PAPOLA: variants seen among roughly 807,000 people sequenced by gnomAD.
The protein encoded by PAPOLA is poly(A) polymerase alpha.
In PAPOLA, 15 loss-of-function variants were observed where a neutral mutation model predicts 100.6. The ratio of observed to expected loss-of-function variants is 0.15; its 90% CI spans 0.10 to 0.23. The LOEUF (loss-of-function observed/expected upper bound fraction) is 0.23, where lower values mean the gene tolerates loss of function less well. Ranked by LOEUF, PAPOLA falls within the 10% of genes least tolerant of loss-of-function variation. PAPOLA has a pLI of 1.00. For missense variants in PAPOLA, 533 were observed against 884.2 expected (o/e 0.60, Z 5.04); for synonymous variants, 293 against 300.0 (o/e 0.98, Z 0.24).
At chr14:96,521,853 C>T (rs1048637634) in intron 3 of PAPOLA, among the ~76,000 whole-genome samples, 5 of 152,044 alleles carry the variant, frequency 3.3e-5, no homozygotes, top group Admixed American at 3.3e-4. Flanking sequence ...ACTCTGTCAC[C>T]CAGGCTAGAG....
At chr14:96,534,733 T>A in intron 10 of PAPOLA, 170 bp downstream of exon 10, 1 of 1,434,096 alleles carries the variant, frequency 7.0e-7, no homozygotes, top group Non-Finnish European at 9.1e-7. Flanking sequence ...ATAATTGATG[T>A]GAGAAGCATA....
rs116870121 is a variant in PAPOLA at position 96,510,804 on chromosome 14, C to T, written c.8+8204C>T. 1.4e-4 allele frequency among the ~76,000 whole-genome samples: 21 copies of T among 152,244 alleles called. No individual in the cohort carries two copies. The East Asian group carries it at 3.7e-3, about 27-fold the overall frequency. On this transcript the variant is annotated intron_variant, in intron 1 of 21. Coordinates refer to ENST00000216277, the MANE Select transcript of PAPOLA (RefSeq NM_032632.5). ...AACACCTTACGGTGGGCCAGTTAACCATCGTTTTAATTTCTTAGCAAATAG... is the reference window on the plus strand; with the variant it reads ...AACACCTTACGGTGGGCCAGTTAACTATCGTTTTAATTTCTTAGCAAATAG...
Position 96,531,551 on chromosome 14 carries a change from A to T in PAPOLA, c.572A>T (p.Lys191Ile). 6.2e-7 allele frequency: 1 copy of T among 1,609,326 alleles called. No individual in the cohort carries two copies. Among genetic ancestry groups the T allele is most frequent in the Non-Finnish European group, 8.5e-7 (1 of 1,176,574 alleles). The stretch of plus-strand genomic sequence containing the variant: ...GATCTACGAGATGACAGTCTGCTAA[A>T]AAATTTAGATATAAGATGTATAAGA... ...DLDLRDDSLL[K>I]NLDIRCIRSL... The change falls in exon 7 of 22, where the codon AAA becomes ATA. Residue 191 changes from lysine (K) to isoleucine (I), a missense_variant. Transcript: ENST00000216277.
At chr14:96,512,613 A>G (rs940889456) in intron 1 of PAPOLA, among the ~76,000 whole-genome samples, 1 of 152,222 alleles carries the variant, frequency 6.6e-6, no homozygotes, top group Non-Finnish European at 1.5e-5. Flanking sequence ...ATTTCAGTAG[A>G]TGGCAGCTAT....
intron 10 of PAPOLA, chr14:96,535,611 A>G: frequency 9.2e-7 from 1 of 1,090,162 alleles, no homozygotes; most frequent in South Asian, 4.4e-5. Context: ...ATTCCCAAGC[A>G]GAACTTTTTT....
At chr14:96,506,145 C>G (rs569063236) in intron 1 of PAPOLA, among the ~76,000 whole-genome samples, 30 of 152,224 alleles carry the variant, frequency 2.0e-4, no homozygotes, top group Admixed American at 1.1e-3. Context: ...CTCGTGATCC[C>G]CCCCCACCTC....
chr14:96,522,108 CTTTCTTTCTTTTTT>C (rs569206491), intron 3 of PAPOLA, among the ~76,000 whole-genome samples: 1,676 of 97,976 alleles, frequency 0.017, 22 homozygotes, highest in African/African-American at 0.071. Context: ...TAGCCTCTTT[CTTTCTTTCTTTTTT>C]TTTTTTTTTT....
intron 10 of PAPOLA, chr14:96,534,924 C>A: frequency 1.0e-6 from 1 of 1,003,454 alleles, no homozygotes; most frequent in Non-Finnish European, 1.2e-6. Flanking sequence ...AAGTATTATG[C>A]TAAAGTTGGG....
intron 6 of PAPOLA, among the ~76,000 whole-genome samples, chr14:96,530,398 T>C (rs569821635): frequency 1.4e-4 from 22 of 151,778 alleles, no homozygotes; most frequent in Non-Finnish European, 2.9e-4. Context: ...TTTTTTCTTT[T>C]TTTTTTTTCT....
chr14:96,513,578 G>T (rs1897244663), intron 1 of PAPOLA, among the ~76,000 whole-genome samples: 1 of 152,088 alleles, frequency 6.6e-6, no homozygotes, highest in South Asian at 2.1e-4. Flanking sequence ...TTAAAATGAT[G>T]TAACAAGTTT....
At chr14:96,546,517 C>T (rs1900406789) in intron 15 of PAPOLA, among the ~76,000 whole-genome samples, 2 of 152,058 alleles carry the variant, frequency 1.3e-5, no homozygotes, top group South Asian at 2.1e-4. Flanking sequence ...TGTCTGTGAC[C>T]TTACCTCCTG....
chr14:96,523,618 A>G (rs958542475), intron 3 of PAPOLA, among the ~76,000 whole-genome samples: 4 of 152,218 alleles, frequency 2.6e-5, no homozygotes, highest in Non-Finnish European at 5.9e-5. Flanking sequence ...ATATCTAAAC[A>G]TAGGAAGACA....
At chr14:96,527,068 A>C (rs531269104) in intron 4 of PAPOLA, 28 of 192,414 alleles carry the variant, frequency 1.5e-4, no homozygotes, top group Middle Eastern at 4.5e-3. Flanking sequence ...TACGTAGTAC[A>C]TAGAGGAAAA....
At chr14:96,512,951 T>C (rs1897203513) in intron 1 of PAPOLA, among the ~76,000 whole-genome samples, 1 of 152,254 alleles carries the variant, frequency 6.6e-6, no homozygotes, top group Non-Finnish European at 1.5e-5. Flanking sequence ...TAGACACTGC[T>C]CATTTCAAGC....
chr14:96,507,309 A>G (rs1186720178), intron 1 of PAPOLA, among the ~76,000 whole-genome samples: 9 of 79,946 alleles, frequency 1.1e-4, no homozygotes, highest in Non-Finnish European at 1.9e-4. Context: ...TTTTTTTGAG[A>G]CGGAGTCTCG....
intron 12 of PAPOLA, among the ~76,000 whole-genome samples, chr14:96,538,517 A>C (rs1899720106): frequency 6.6e-6 from 1 of 152,046 alleles, no homozygotes; most frequent in Non-Finnish European, 1.5e-5. Context: ...ATATATTACT[A>C]ATCTTCACTG....
In PAPOLA at chr14:96,502,431, G is replaced by A. The variant is rs780345298; in HGVS notation, c.-162G>A. On this transcript the variant is annotated 5_prime_UTR_variant, in exon 1 of 22. Transcript: ENST00000216277. ...GGCGCCATGTTAGGACGAAGGGGAA[G>A]GAGGAGAAGCGCTTAAAGCGGCGGG... The A allele has an allele frequency of 9.9e-6, 7 of 704,254 alleles. No individual in the cohort carries two copies. The highest frequency in any genetic ancestry group is 1.8e-5 in the Non-Finnish European group (7 of 386,966). 43.6% of individuals were successfully genotyped at this position (704,254 alleles called of 1,614,324 possible).
At chr14:96,564,458 A>G (rs1426009776) in intron 21 of PAPOLA, among the ~76,000 whole-genome samples, 1 of 152,118 alleles carries the variant, frequency 6.6e-6, no homozygotes, top group African/African-American at 2.4e-5. Flanking sequence ...TAATCTACCT[A>G]AAATTTAGGA....
intron 19 of PAPOLA, among the ~76,000 whole-genome samples, chr14:96,557,427 G>A (rs537396792): frequency 1.3e-5 from 2 of 152,238 alleles, no homozygotes; most frequent in South Asian, 4.1e-4. Context: ...ACTGTACATT[G>A]ATTTCGTATG....
Sources: gnomAD v4.1 joint callset for allele counts (sites outside exome capture counted in the v4.1 genomes callset) on GRCh38, gnomAD v4.1.1 for gene constraint, MANE v1.5 for transcripts, NCBI Gene and HGNC (gene_info 2026-07-23, HGNC 2026-07-21) for gene names.